Variants in LHCGR observed in about 807,000 individuals in gnomAD.
LHCGR encodes the protein luteinizing hormone/choriogonadotropin receptor.
A neutral mutation model predicts 60.7 loss-of-function variants in LHCGR; 55 were observed. The observed-to-expected ratio is 0.91, with a 90% confidence interval of 0.73 to 1.13. The LOEUF is 1.13. LHCGR is among the 50% of genes most tolerant of loss of function. The pLI is 0.00. For synonymous variants in LHCGR, 337 were observed against 316.5 expected, an observed-to-expected ratio of 1.06 and a Z score of -0.69; for missense variants, 862 against 836.0, an observed-to-expected ratio of 1.03 and a Z score of -0.38.
At chr2:48,690,431 T>G (rs998438731) in intron 10 of LHCGR, among the ~76,000 whole-genome samples, 1 of 152,216 alleles carries the variant, frequency 6.6e-6, no homozygotes, top group African/African-American at 2.4e-5. Flanking sequence ...AATCATACCT[T>G]CTATGTTAGA....
At position 48,686,851 on chromosome 2, in the gene LHCGR, T is replaced by A. The variant is rs541428468; in HGVS notation, c.*846A>T. 2.9e-4 allele frequency: 44 copies of A among 152,330 alleles called. No individual in the cohort carries two copies. Among genetic ancestry groups the A allele is most frequent in the African/African-American group, 1.1e-3 (44 of 41,588 alleles). 9.4% of individuals were successfully genotyped at this position (152,330 alleles called of 1,614,324 possible). ...TAGAAAAAATTGTTTTCATTATATGTTTCATAACTTCAGAGTAATTCTAAC... is the reference window on the plus strand; with the variant it reads ...TAGAAAAAATTGTTTTCATTATATGATTCATAACTTCAGAGTAATTCTAAC... On this transcript the variant is annotated 3_prime_UTR_variant, in exon 11 of 11. Transcript: ENST00000294954.
intron 1 of LHCGR, among the ~76,000 whole-genome samples, chr2:48,738,293 T>C (rs1192116492): frequency 3.3e-5 from 5 of 152,202 alleles, no homozygotes; most frequent in Non-Finnish European, 7.3e-5. Flanking sequence ...TCCTCTGTTC[T>C]CCCATCGAAC....
intron 7 of LHCGR, among the ~76,000 whole-genome samples, chr2:48,712,024 G>A (rs1668016574): frequency 6.6e-6 from 1 of 151,926 alleles, no homozygotes; most frequent in African/African-American, 2.4e-5. Flanking sequence ...GCTGGTCTAT[G>A]AACACATCTT....
chr2:48,747,293 T>A (rs1203479726), intron 1 of LHCGR, among the ~76,000 whole-genome samples: 1 of 152,146 alleles, frequency 6.6e-6, no homozygotes, highest in African/African-American at 2.4e-5. Flanking sequence ...GGTTTCACCA[T>A]GTTGGCCAGG....
intron 6 of LHCGR, among the ~76,000 whole-genome samples, chr2:48,716,500 G>A (rs959244781): frequency 6.6e-6 from 1 of 151,868 alleles, no homozygotes; most frequent in Non-Finnish European, 1.5e-5. Flanking sequence ...AAGCAATGGA[G>A]GCAAAGCCAA....
chr2:48,751,280 G>C (rs570809318), intron 1 of LHCGR, among the ~76,000 whole-genome samples: 1 of 152,234 alleles, frequency 6.6e-6, no homozygotes, highest in Non-Finnish European at 1.5e-5. Flanking sequence ...CACAACGTCT[G>C]AGTAATCAAA....
intron 6 of LHCGR, chr2:48,720,956 C>T (rs541112841): frequency 1.8e-4 from 28 of 152,312 alleles, no homozygotes; most frequent in Admixed American, 1.6e-3. Context: ...CCCATATAAA[C>T]GTTACTGATT....
At chr2:48,748,344 T>C (rs1426476966) in intron 1 of LHCGR, among the ~76,000 whole-genome samples, 1 of 151,972 alleles carries the variant, frequency 6.6e-6, no homozygotes, top group African/African-American at 2.4e-5. Context: ...GGCTTAGGGA[T>C]GGGGAAAGGG....
At chr2:48,749,008 C>T (rs577668807) in intron 1 of LHCGR, among the ~76,000 whole-genome samples, 1 of 152,350 alleles carries the variant, frequency 6.6e-6, no homozygotes, top group African/African-American at 2.4e-5. Context: ...TCTGCTGCTA[C>T]TCATGAGGTG....
chr2:48,752,744 A>G (rs1410231945), intron 1 of LHCGR, among the ~76,000 whole-genome samples: 1 of 151,672 alleles, frequency 6.6e-6, no homozygotes, highest in Non-Finnish European at 1.5e-5. Context: ...TCTAAGGTTA[A>G]TCTTTCCCCC....
At position 48,687,817 on chromosome 2, in the gene LHCGR, G is replaced by T. The variant is rs2104351780; in HGVS notation, c.1980C>A (p.Thr660=). The part of the protein sequence containing the change: ...LYRRKDFSAY[T]SNCKNGFTGS... ...CAGTGAAGCCATTTTTGCAGTTGGAGGTGTAAGCTGAAAAATCTTTCCTTC... is the reference window on the plus strand; with the variant it reads ...CAGTGAAGCCATTTTTGCAGTTGGATGTGTAAGCTGAAAAATCTTTCCTTC... Residue 660 remains threonine (T), a synonymous_variant, in exon 11 of 11, where the codon ACC becomes ACA. Coordinates refer to ENST00000294954, the MANE Select transcript of LHCGR (RefSeq NM_000233.4). The T allele has an allele frequency of 1.2e-6, 2 of 1,614,138 alleles. No individual in the cohort carries two copies. Among genetic ancestry groups the T allele is most frequent in the Middle Eastern group, 1.6e-4 (1 of 6,062 alleles).
rs1199305026 is a variant in LHCGR at position 48,709,092 on chromosome 2, CAT to C, written c.606-72_606-71del. ...GTAAGCATTCGTAGCTCCATATACA[CAT>C]GTTTAGACCAAGCTATGTGCATGAT... On this transcript the variant is annotated intron_variant, in intron 7 of 10. Coordinates refer to ENST00000294954, the MANE Select transcript of LHCGR (RefSeq NM_000233.4). 4 of 1,163,610 alleles carry C rather than the reference CAT, an allele frequency of 3.4e-6. No homozygotes were observed. The African/African-American group carries it at 4.5e-5, about 13-fold the overall frequency. The allele number at this position is 1,163,610 out of a possible 1,614,324, so 72.1% of individuals were successfully genotyped here.
chr2:48,688,868 G>A lies in LHCGR; in HGVS notation c.948-19C>T. On this transcript the variant is annotated intron_variant, in intron 10 of 10. Coordinates refer to ENST00000294954, the MANE Select transcript of LHCGR (RefSeq NM_000233.4). This position sits in a 1 kb window ranked among gnomAD's most constrained non-coding sequence, Gnocchi z 5.2. The stretch of plus-strand genomic sequence containing the variant: ...AGAATAACTGTAAGAAGAATTATTG[G>A]CTTGAGGTAAGGGATTTTCTCTGAG... 6.2e-7 allele frequency: 1 copy of A among 1,610,512 alleles called. No homozygotes were observed. Among genetic ancestry groups the A allele is most frequent in the Non-Finnish European group, 8.5e-7 (1 of 1,177,052 alleles).
At chr2:48,724,604 C>T (rs572573792) in intron 4 of LHCGR, among the ~76,000 whole-genome samples, 2 of 152,188 alleles carry the variant, frequency 1.3e-5, no homozygotes, top group South Asian at 2.1e-4. Flanking sequence ...GGGTGAATAT[C>T]ACAGTTTTGG....
intron 1 of LHCGR, among the ~76,000 whole-genome samples, chr2:48,751,171 G>T (rs1416827097): frequency 6.6e-6 from 1 of 152,148 alleles, no homozygotes. Context: ...TCCTAATCAT[G>T]GTTTTTACTT....
chr2:48,689,422 A>G (rs111632301), intron 10 of LHCGR, among the ~76,000 whole-genome samples: 2 of 152,328 alleles, frequency 1.3e-5, no homozygotes, highest in African/African-American at 4.8e-5. Context: ...TGGAAGGCTC[A>G]TGTTGTTGAA....
chr2:48,689,508 C>A (rs898333505), intron 10 of LHCGR, among the ~76,000 whole-genome samples: 1 of 152,068 alleles, frequency 6.6e-6, no homozygotes, highest in Non-Finnish European at 1.5e-5. Context: ...AAATAGAAAC[C>A]AAGGATAGAT....
intron 7 of LHCGR, among the ~76,000 whole-genome samples, chr2:48,709,920 A>G (rs566058042): frequency 1.3e-5 from 2 of 152,156 alleles, no homozygotes; most frequent in Admixed American, 1.3e-4. Flanking sequence ...CTTCCTCTCT[A>G]TAAGAGAATG....
At chr2:48,750,891 C>G (rs984846181) in intron 1 of LHCGR, among the ~76,000 whole-genome samples, 10 of 152,192 alleles carry the variant, frequency 6.6e-5, no homozygotes, top group Non-Finnish European at 1.3e-4. Context: ...CGCTCCTGGC[C>G]AGGGATGCTG....
Sources: gnomAD v4.1 joint callset for allele counts (sites outside exome capture counted in the v4.1 genomes callset) on GRCh38, gnomAD v4.1.1 for gene constraint, Gnocchi (gnomAD v3.1) non-coding constraint, MANE v1.5 for transcripts, NCBI Gene and HGNC (gene_info 2026-07-23, HGNC 2026-07-21) for gene names.